FTO: variants seen among roughly 807,000 people sequenced by gnomAD.
The protein encoded by FTO is alpha-ketoglutarate-dependent dioxygenase FTO.
A neutral mutation model predicts 63.9 loss-of-function variants in FTO; 47 were observed. The observed-to-expected ratio is 0.74, with a 90% confidence interval of 0.58 to 0.94. FTO has a LOEUF of 0.94. Among genes scored for constraint, FTO ranks in the 40% least tolerant of loss-of-function variants. The pLI is 0.00. For synonymous variants in FTO, 207 were observed against 224.4 expected, an observed-to-expected ratio of 0.92 and a Z score of 0.69; for missense variants, 562 against 618.1, an observed-to-expected ratio of 0.91 and a Z score of 0.96.
chr16:54,070,201 A>G (rs551963094), intron 8 of FTO: 15 of 152,256 alleles, frequency 9.9e-5, no homozygotes, highest in African/African-American at 3.6e-4. Context: ...AGTCTGCAGA[A>G]TGGTCATTTT....
At chr16:53,773,754 C>T (rs2077397324) in intron 1 of FTO, among the ~76,000 whole-genome samples, 1 of 152,090 alleles carries the variant, frequency 6.6e-6, no homozygotes, top group Admixed American at 6.6e-5. Context: ...TTGTGTGTAA[C>T]GTAAACATAT....
intron 1 of FTO, 53 bp from the exon 2 acceptor site, chr16:53,810,087 C>T: frequency 1.1e-5 from 13 of 1,196,336 alleles, no homozygotes; most frequent in Non-Finnish European, 1.6e-5. Flanking sequence ...AAGAGAGTGT[C>T]TTACTTTGGG....
Position 53,933,981 on chromosome 16 carries a change from G to A in FTO, c.1240-4G>A, listed in dbSNP as rs375930208. ...CTTTCTCTGTTTTGGATCATTTCTT[G>A]TAGACAAATGCTGTGCTTCATGAAG... On this transcript the variant is annotated splice_polypyrimidine_tract_variant and splice_region_variant and intron_variant, in intron 7 of 8. Transcript: ENST00000471389. 6.1e-5 allele frequency: 99 copies of A among 1,612,788 alleles called. No individual in the cohort carries two copies. Among genetic ancestry groups the A allele is most frequent in the Non-Finnish European group, 8.3e-5 (98 of 1,179,604 alleles).
intron 5 of FTO, among the ~76,000 whole-genome samples, chr16:53,878,120 A>C (rs1041834331): frequency 3.9e-5 from 6 of 152,192 alleles, no homozygotes; most frequent in South Asian, 4.2e-4. Context: ...CCAATATGGT[A>C]AAACCAGTCT....
chr16:53,976,857 A>G (rs1488650484), intron 8 of FTO, among the ~76,000 whole-genome samples: 4 of 152,110 alleles, frequency 2.6e-5, no homozygotes. Context: ...TTGCATTCAT[A>G]TAGTTACCTT....
intron 7 of FTO, among the ~76,000 whole-genome samples, chr16:53,908,875 G>C (rs1274725160): frequency 6.6e-6 from 1 of 152,206 alleles, no homozygotes; most frequent in Non-Finnish European, 1.5e-5. Context: ...GTAAACACTT[G>C]CTAAAGTTGA....
At chr16:53,790,366 A>G (rs2077876528) in intron 1 of FTO, among the ~76,000 whole-genome samples, 1 of 152,202 alleles carries the variant, frequency 6.6e-6, no homozygotes, top group African/African-American at 2.4e-5. Flanking sequence ...ACATATAAGT[A>G]GAATCATACA....
At chr16:53,763,031 G>A (rs560637285) in intron 1 of FTO, among the ~76,000 whole-genome samples, 2 of 152,178 alleles carry the variant, frequency 1.3e-5, no homozygotes, top group South Asian at 2.1e-4. Context: ...ATTTTTTCAT[G>A]GGATGCTATT....
At position 54,076,874 on chromosome 16, in the gene FTO, T is replaced by C. The variant is rs1229535814; in HGVS notation, c.1365-34888T>C. Among the ~76,000 whole-genome samples the C allele has an allele frequency of 4.6e-5, 7 of 152,290 alleles. No homozygotes were observed. In the South Asian group the frequency reaches 6.2e-4, roughly 14 times the overall value. On this transcript the variant is annotated intron_variant, in intron 8 of 8. Coordinates refer to ENST00000471389, the MANE Select transcript of FTO (RefSeq NM_001080432.3). ...GATTTTGAATTAAATATTGAACCTCTGGCTTGCTTTTCCCAAACGATGAGG... is the reference window on the plus strand; with the variant it reads ...GATTTTGAATTAAATATTGAACCTCCGGCTTGCTTTTCCCAAACGATGAGG...
At chr16:53,809,823 C>G (rs1449433629) in intron 1 of FTO, among the ~76,000 whole-genome samples, 1 of 151,914 alleles carries the variant, frequency 6.6e-6, no homozygotes, top group Admixed American at 6.6e-5. Context: ...CCGCTGTAGT[C>G]CCAGCTACTT....
chr16:53,884,351 G>A (rs889099134), intron 6 of FTO, among the ~76,000 whole-genome samples: 1 of 152,142 alleles, frequency 6.6e-6, no homozygotes, highest in African/African-American at 2.4e-5. Flanking sequence ...AATGTTTGAT[G>A]GTATTGTTTG....
At chr16:54,106,000 G>C (rs1167096169) in intron 8 of FTO, among the ~76,000 whole-genome samples, 1 of 152,024 alleles carries the variant, frequency 6.6e-6, no homozygotes, top group East Asian at 1.9e-4. Context: ...AAAACCTATT[G>C]ATTAAAAACA....
At chr16:53,990,655 T>TATTTTATTTTATTTTA (rs2083786544) in intron 8 of FTO, among the ~76,000 whole-genome samples, 8 of 144,538 alleles carry the variant, frequency 5.5e-5, no homozygotes, top group African/African-American at 2.1e-4. Context: ...TTTCCTTTTC[T>TATTTTATTTTATTTTA]TTTTATTTTA....
chr16:54,063,314 C>A lies in FTO; in HGVS notation c.1365-48448C>A, dbSNP rs117849391. 7.8e-3 allele frequency among the ~76,000 whole-genome samples: 1,183 copies of A among 152,278 alleles called. 11 individuals carry two copies. Among genetic ancestry groups the A allele is most frequent in the Non-Finnish European group, 0.013 (880 of 68,032 alleles). The stretch of plus-strand genomic sequence containing the variant: ...CGGAAGCAGGGGGGCCCTTATTTAT[C>A]TTTTATGCTGGAAAGGCTTGTTCTT... On this transcript the variant is annotated intron_variant, in intron 8 of 8. Transcript: ENST00000471389.
chr16:53,855,116 T>C (rs1374102329), intron 4 of FTO, among the ~76,000 whole-genome samples: 1 of 152,160 alleles, frequency 6.6e-6, no homozygotes, highest in Non-Finnish European at 1.5e-5. Flanking sequence ...ATTGCAGTGC[T>C]ACTGATTTGT....
intron 8 of FTO, among the ~76,000 whole-genome samples, chr16:54,079,764 C>G (rs997334048): frequency 9.2e-5 from 14 of 152,174 alleles, no homozygotes; most frequent in African/African-American, 3.4e-4. Flanking sequence ...AGTCGCGACT[C>G]GGCTCTGGCC....
At chr16:53,914,640 G>A (rs911949661) in intron 7 of FTO, among the ~76,000 whole-genome samples, 6 of 152,110 alleles carry the variant, frequency 3.9e-5, no homozygotes, top group South Asian at 2.1e-4. Context: ...CTGGAAAAGC[G>A]CTTTGTGTTT....
At position 53,911,188 on chromosome 16, in the gene FTO, C is replaced by CT. The variant is rs535371209; in HGVS notation, c.1239+22239dup. ...ATATGTTAACTCAGGCTTGAAAGCACTTAGCACATGGCAGGCATCTCCACA... is the reference window on the plus strand; with the variant it reads ...ATATGTTAACTCAGGCTTGAAAGCACTTTAGCACATGGCAGGCATCTCCACA... On this transcript the variant is annotated intron_variant, in intron 7 of 8. Transcript: ENST00000471389. 5.7e-4 allele frequency: 327 copies of CT among 569,332 alleles called. 1 individual carries two copies. The highest frequency in any genetic ancestry group is 1.2e-3 in the Admixed American group (42 of 33,606). The allele number at this position is 569,332 out of a possible 1,614,324, so 35.3% of individuals were successfully genotyped here.
chr16:53,734,495 T>C (rs923467292), intron 1 of FTO, among the ~76,000 whole-genome samples: 2 of 152,234 alleles, frequency 1.3e-5, no homozygotes, highest in African/African-American at 4.8e-5. Context: ...CATCTGTGGT[T>C]GGGTGGCCAA....
Sources: gnomAD v4.1 joint callset for allele counts (sites outside exome capture counted in the v4.1 genomes callset) on GRCh38, gnomAD v4.1.1 for gene constraint, MANE v1.5 for transcripts, NCBI Gene and HGNC (gene_info 2026-07-23, HGNC 2026-07-21) for gene names.